ZNF469: variants seen among roughly 807,000 people sequenced by gnomAD.
The protein encoded by ZNF469 is zinc finger protein 469.
Under a neutral mutation model 1.0 loss-of-function variants are expected in ZNF469, and 1 was observed. The ratio of observed to expected loss-of-function variants is 1.00; its 90% CI spans 0.35 to 4.73. The LOEUF (loss-of-function observed/expected upper bound fraction) is 4.73, where lower values mean the gene tolerates loss of function less well. Among genes scored for constraint, ZNF469 ranks in the 30% most tolerant of loss-of-function variants. The pLI, the probability that ZNF469 is intolerant of heterozygous loss-of-function variation, is 0.16. For missense variants in ZNF469, 6,100 were observed against 5,356.3 expected (o/e 1.14, Z -4.33); for synonymous variants, 2,703 against 2,363.4 (o/e 1.14, Z -4.17).
chr16:88,299,999 G>C, the ZNF469 span, among the ~76,000 whole-genome samples: 1 of 152,230 alleles, frequency 6.6e-6, no homozygotes. Context: ...TGCTGTGATG[G>C]AGGCAGCGCA....
the ZNF469 span, among the ~76,000 whole-genome samples, chr16:88,357,899 C>T: frequency 1.3e-5 from 2 of 152,206 alleles, no homozygotes; most frequent in Admixed American, 6.5e-5. Context: ...GAGGACGGAG[C>T]GGAAACAAGA....
the ZNF469 span, among the ~76,000 whole-genome samples, chr16:88,268,144 T>G: frequency 6.6e-6 from 1 of 152,198 alleles, no homozygotes; most frequent in East Asian, 1.9e-4. Context: ...ATTCAAGTCT[T>G]TTCCCTATAT....
At chr16:88,218,657 T>C in the ZNF469 span, among the ~76,000 whole-genome samples, 1 of 149,712 alleles carries the variant, frequency 6.7e-6, no homozygotes, top group Non-Finnish European at 1.5e-5. Context: ...CCACAGCCAA[T>C]ATCATACTGA....
chr16:88,204,537 G>A, the ZNF469 span, among the ~76,000 whole-genome samples: 1 of 152,264 alleles, frequency 6.6e-6, no homozygotes, highest in South Asian at 2.1e-4. Flanking sequence ...AGGTAGAGGA[G>A]AGAAAAGATG....
chr16:88,437,404 T>C lies in ZNF469; in HGVS notation c.9934T>C (p.Ser3312Pro). Reference sequence around the variant, plus strand: ...CCCCCCCAGGACGACCCCCAGCCCGTCCCCCGACCCCTGGGCCGGCGGGGA... The same window carrying C: ...CCCCCCCAGGACGACCCCCAGCCCGCCCCCCGACCCCTGGGCCGGCGGGGA... The part of the protein sequence containing the change: ...PGPPRTTPSP[S>P]PDPWAGGEPL... Residue 3312 changes from serine to proline, a missense_variant, in exon 3 of 3, where the codon TCC becomes CCC. Transcript: ENST00000565624. The C allele has an allele frequency of 6.6e-7, 1 of 1,524,610 alleles. No individual in the cohort carries two copies. Among genetic ancestry groups the C allele is most frequent in the Non-Finnish European group, 8.8e-7 (1 of 1,134,146 alleles). The allele number at this position is 1,524,610 out of a possible 1,614,324, so 94.4% of individuals were successfully genotyped here.
the ZNF469 span, among the ~76,000 whole-genome samples, chr16:88,331,248 GTCACCA>G: frequency 7.2e-5 from 7 of 97,222 alleles, no homozygotes; most frequent in East Asian, 2.4e-3. Context: ...CATCACCATC[GTCACCA>G]TCACCATCAC....
chr16:88,360,930 G>T, the ZNF469 span, among the ~76,000 whole-genome samples: 7 of 152,182 alleles, frequency 4.6e-5, no homozygotes, highest in Non-Finnish European at 7.3e-5. Context: ...TGAGGAGGAT[G>T]GTTTTGGGAT....
chr16:88,306,490 C>T, the ZNF469 span, among the ~76,000 whole-genome samples: 4 of 152,332 alleles, frequency 2.6e-5, no homozygotes, highest in South Asian at 8.3e-4. Context: ...AGCTGCAGAG[C>T]ACCTGTTGAG....
chr16:88,377,934 A>T, the ZNF469 span, among the ~76,000 whole-genome samples: 2 of 152,150 alleles, frequency 1.3e-5, no homozygotes, highest in African/African-American at 4.8e-5. Flanking sequence ...CCAGGTGCCT[A>T]GGGCAGCACA....
At chr16:88,213,605 C>T in the ZNF469 span, among the ~76,000 whole-genome samples, 1 of 152,172 alleles carries the variant, frequency 6.6e-6, no homozygotes, top group Admixed American at 6.5e-5. Flanking sequence ...CTAAATTTCT[C>T]TCCTCATCCT....
chr16:88,205,507 T>C, the ZNF469 span, among the ~76,000 whole-genome samples: 3 of 152,312 alleles, frequency 2.0e-5, no homozygotes, highest in Admixed American at 2.0e-4. This position sits in a 1 kb window ranked among gnomAD's most constrained non-coding sequence, Gnocchi z 4.2. Flanking sequence ...AGTTTTTTCC[T>C]GAACATTCAG....
intron 1 of ZNF469, among the ~76,000 whole-genome samples, chr16:88,414,857 G>A (rs2142285992): frequency 6.6e-6 from 1 of 152,388 alleles, no homozygotes; most frequent in African/African-American, 2.4e-5. Flanking sequence ...GCCTTCCCAG[G>A]GCCATGGGTC....
At chr16:88,357,106 G>A in the ZNF469 span, among the ~76,000 whole-genome samples, 1 of 152,226 alleles carries the variant, frequency 6.6e-6, no homozygotes, top group Non-Finnish European at 1.5e-5. Context: ...GGCCGGGCTG[G>A]CCCTTGGCTG....
the ZNF469 span, among the ~76,000 whole-genome samples, chr16:88,223,856 G>C: frequency 6.6e-6 from 1 of 152,248 alleles, no homozygotes; most frequent in African/African-American, 2.4e-5. Context: ...AAACTGTGTG[G>C]AGCGCAGGCC....
chr16:88,395,310 GGGTGGGTGGATGGATTGATGGGTTGGGTA>G (rs1904627829), intron 1 of ZNF469, among the ~76,000 whole-genome samples: 1 of 149,174 alleles, frequency 6.7e-6, no homozygotes, highest in Non-Finnish European at 1.5e-5. Context: ...TGGGTTGGGT[GGGTGGGTGGATGGATTGATGGGTTGGGTA>G]GGTGGGTGGA....
rs763756847 is a variant in ZNF469 at position 88,437,704 on chromosome 16, C to G, written c.10234C>G (p.Arg3412Gly). The G allele has an allele frequency of 1.3e-6, 2 of 1,549,854 alleles. No individual in the cohort carries two copies. The highest frequency in any genetic ancestry group is 1.7e-6 in the Non-Finnish European group (2 of 1,146,640). ...YACELCATVM[R>G]IIKKSFACSS... Reference sequence around the variant, plus strand: ...CTGCGAGCTCTGCGCCACGGTTATGCGCATCATCAAGAAGTCCTTCGCCTG... The same window carrying G: ...CTGCGAGCTCTGCGCCACGGTTATGGGCATCATCAAGAAGTCCTTCGCCTG... Residue 3412 changes from arginine (R) to glycine (G), a missense_variant, in exon 3 of 3, where the codon CGC (arginine) becomes GGC (glycine). Physicochemically the swap from Arg to Gly is moderately radical, Grantham distance 125. Transcript: ENST00000565624.
the ZNF469 span, among the ~76,000 whole-genome samples, chr16:88,185,619 C>A: frequency 6.6e-6 from 1 of 152,118 alleles, no homozygotes; most frequent in East Asian, 1.9e-4. Context: ...CCTACAGACA[C>A]ACTCACATTT....
At chr16:88,233,827 C>T in the ZNF469 span, among the ~76,000 whole-genome samples, 2 of 152,248 alleles carry the variant, frequency 1.3e-5, no homozygotes, top group Non-Finnish European at 2.9e-5. Context: ...CTTTGGTGAG[C>T]GCAGTGCAGC....
the ZNF469 span, among the ~76,000 whole-genome samples, chr16:88,139,817 T>C: frequency 6.6e-6 from 1 of 152,218 alleles, no homozygotes. Flanking sequence ...CTGAGTCTGG[T>C]GACTGCATGG....
Sources: allele counts gnomAD v4.1 joint callset (sites outside exome capture counted in the v4.1 genomes callset), GRCh38; gene constraint gnomAD v4.1.1; non-coding constraint Gnocchi (gnomAD v3.1); transcripts MANE v1.5; gene names NCBI Gene and HGNC (gene_info 2026-07-23, HGNC 2026-07-21).